The following TMTC2 variants were observed in gnomAD, a reference collection of about 807,000 sequenced individuals.
TMTC2 encodes the protein transmembrane O-mannosyltransferase targeting cadherins 2, also known as protein O-mannosyl-transferase TMTC2.
TMTC2 carries 43 observed loss-of-function variants against 82.4 expected under a neutral mutation model. The ratio of observed to expected loss-of-function variants is 0.52; its 90% CI spans 0.41 to 0.67. The LOEUF (loss-of-function observed/expected upper bound fraction) is 0.67. Ranked by LOEUF, TMTC2 falls within the 30% of genes least tolerant of loss-of-function variation. TMTC2 has a pLI of 0.00. For missense variants in TMTC2, 919 were observed against 1,012.4 expected (o/e 0.91, Z 1.25); for synonymous variants, 408 against 381.9 (o/e 1.07, Z -0.80).
chr12:83,009,205 T>C (rs757817996), intron 8 of TMTC2, among the ~76,000 whole-genome samples: 2 of 152,168 alleles, frequency 1.3e-5, no homozygotes, highest in African/African-American at 2.4e-5. Flanking sequence ...TTAAGGAGGC[T>C]CTGGATGTAT....
At chr12:82,704,428 T>C (rs1026535126) in intron 1 of TMTC2, among the ~76,000 whole-genome samples, 15 of 152,196 alleles carry the variant, frequency 9.9e-5, no homozygotes, top group Non-Finnish European at 1.9e-4. Flanking sequence ...CATATAAAAG[T>C]AGAGTAAATA....
chr12:82,989,576 A>C (rs2137345215), intron 8 of TMTC2, among the ~76,000 whole-genome samples: 1 of 152,006 alleles, frequency 6.6e-6, no homozygotes, highest in South Asian at 2.1e-4. Context: ...CCCCCAAAAA[A>C]AAGTTAGAAA....
chr12:82,882,075 C>T (rs1280689309), intron 2 of TMTC2, among the ~76,000 whole-genome samples: 1 of 144,136 alleles, frequency 6.9e-6, no homozygotes, highest in Non-Finnish European at 1.5e-5. Context: ...TCTCGGCTCA[C>T]TGCAAGCTCC....
At chr12:82,925,898 A>G (rs977374853) in intron 3 of TMTC2, among the ~76,000 whole-genome samples, 9 of 152,184 alleles carry the variant, frequency 5.9e-5, no homozygotes, top group African/African-American at 2.2e-4. Flanking sequence ...TTTAGAAATG[A>G]TTAAACTTAG....
chr12:82,929,632 G>T (rs12305317), intron 3 of TMTC2, among the ~76,000 whole-genome samples: 1,856 of 152,108 alleles, frequency 0.012, 29 homozygotes, highest in African/African-American at 0.042. Flanking sequence ...CTCATCATTT[G>T]CTGGGGGACT....
chr12:83,016,039 A>G (rs773868861), intron 8 of TMTC2, among the ~76,000 whole-genome samples: 26 of 152,192 alleles, frequency 1.7e-4, no homozygotes, highest in Admixed American at 6.5e-5. Flanking sequence ...CTTTATTTGT[A>G]AGTCACAGAA....
At chr12:82,918,665 T>C (rs1409134272) in intron 3 of TMTC2, among the ~76,000 whole-genome samples, 4 of 152,108 alleles carry the variant, frequency 2.6e-5, no homozygotes, top group Non-Finnish European at 5.9e-5. Context: ...AGGTAAAAAT[T>C]AAATATTAAG....
intron 1 of TMTC2, among the ~76,000 whole-genome samples, chr12:82,778,616 G>A (rs1455254823): frequency 6.6e-6 from 1 of 151,986 alleles, no homozygotes; most frequent in Admixed American, 6.6e-5. Flanking sequence ...TTGGGAGGCC[G>A]AGGCGGGCGG....
intron 10 of TMTC2, among the ~76,000 whole-genome samples, chr12:83,061,234 G>A (rs910639813): frequency 5.3e-5 from 8 of 151,748 alleles, no homozygotes; most frequent in Non-Finnish European, 1.2e-4. Flanking sequence ...GGTGTCCAAA[G>A]TCCAAGGGGA....
chr12:82,979,516 GTTTA>G (rs2137326146), intron 7 of TMTC2, among the ~76,000 whole-genome samples: 1 of 151,560 alleles, frequency 6.6e-6, no homozygotes, highest in South Asian at 2.1e-4. Context: ...AATTCTTTCT[GTTTA>G]TTTCTTATAC....
intron 7 of TMTC2, among the ~76,000 whole-genome samples, chr12:82,982,905 C>T (rs1188698793): frequency 6.6e-6 from 1 of 152,048 alleles, no homozygotes; most frequent in Non-Finnish European, 1.5e-5. Flanking sequence ...TTTAGCCACA[C>T]TGCTTCTCAA....
chr12:82,716,998 C>T (rs1295689051), intron 1 of TMTC2, among the ~76,000 whole-genome samples: 1 of 152,032 alleles, frequency 6.6e-6, no homozygotes, highest in Non-Finnish European at 1.5e-5. Flanking sequence ...GAAATAAAAA[C>T]CTCCACATGT....
intron 1 of TMTC2, among the ~76,000 whole-genome samples, chr12:82,831,095 G>A (rs1288683048): frequency 6.6e-6 from 1 of 152,184 alleles, no homozygotes; most frequent in Non-Finnish European, 1.5e-5. Context: ...GGTGATAGGA[G>A]GTGTATGAGA....
intron 1 of TMTC2, among the ~76,000 whole-genome samples, chr12:82,794,364 A>G (rs907451124): frequency 6.6e-6 from 1 of 152,114 alleles, no homozygotes; most frequent in African/African-American, 2.4e-5. Context: ...CTCACACAGA[A>G]AAAAAGGGCC....
At chr12:82,881,786 C>T (rs898969395) in intron 2 of TMTC2, among the ~76,000 whole-genome samples, 1 of 152,026 alleles carries the variant, frequency 6.6e-6, no homozygotes, top group Non-Finnish European at 1.5e-5. Context: ...TTGATTGTAC[C>T]AATATTAATT....
chr12:82,897,463 G>A (rs536820545), intron 3 of TMTC2, among the ~76,000 whole-genome samples: 8 of 152,172 alleles, frequency 5.3e-5, no homozygotes, highest in Non-Finnish European at 1.2e-4. Flanking sequence ...AAAAATAGAT[G>A]TAAATTTTTA....
At chr12:83,051,141 T>C in intron 10 of TMTC2, 123 bp downstream of exon 10, 1 of 644,198 alleles carries the variant, frequency 1.6e-6, no homozygotes, top group Non-Finnish European at 2.5e-6. Flanking sequence ...TGCTTAACTA[T>C]GTAAAAAATT....
intron 8 of TMTC2, among the ~76,000 whole-genome samples, chr12:82,990,624 T>C (rs1879359174): frequency 6.6e-6 from 1 of 152,090 alleles, no homozygotes; most frequent in Non-Finnish European, 1.5e-5. Flanking sequence ...CACTTCCAAA[T>C]AGAATGACAC....
chr12:82,801,930 G>A (rs1264306874), intron 1 of TMTC2, among the ~76,000 whole-genome samples: 1 of 152,136 alleles, frequency 6.6e-6, no homozygotes, highest in Non-Finnish European at 1.5e-5. Flanking sequence ...TAGACATAAA[G>A]ATTCTCTCAG....
Sources: gnomAD v4.1 joint callset for allele counts (sites outside exome capture counted in the v4.1 genomes callset) on GRCh38, gnomAD v4.1.1 for gene constraint, MANE v1.5 for transcripts, NCBI Gene and HGNC (gene_info 2026-07-23, HGNC 2026-07-21) for gene names.